Variants in ADAMTSL3 observed in about 807,000 individuals in gnomAD.
The protein encoded by ADAMTSL3 is ADAMTS-like protein 3.
ADAMTSL3 carries 128 observed loss-of-function variants against 201.7 expected under a neutral mutation model. The observed-to-expected ratio is 0.63, with a 90% CI of 0.55 to 0.73. The LOEUF (loss-of-function observed/expected upper bound fraction) is 0.73, where lower values mean the gene tolerates loss of function less well. Among genes scored for constraint, ADAMTSL3 ranks in the 30% least tolerant of loss-of-function variants. The pLI is 0.00. For missense variants in ADAMTSL3, 1,990 were observed against 2,119.6 expected (o/e 0.94, Z 1.20); for synonymous variants, 738 against 748.4 (o/e 0.99, Z 0.23).
chr15:84,001,354 A>G lies in ADAMTSL3; in HGVS notation c.3973+10140A>G, dbSNP rs190436845. 2.6e-5 allele frequency among the ~76,000 whole-genome samples: 4 copies of G among 152,374 alleles called. No homozygotes were observed. The East Asian group carries it at 7.7e-4, about 29-fold the overall frequency. Reference sequence around the variant, plus strand: ...TCAATAAATAACATGTTGGAAAACCATCAAAGCTCATCATCAAAAATAACA... The same window carrying G: ...TCAATAAATAACATGTTGGAAAACCGTCAAAGCTCATCATCAAAAATAACA... On this transcript the variant is annotated intron_variant, in intron 23 of 29. Coordinates refer to ENST00000286744, the MANE Select transcript of ADAMTSL3 (RefSeq NM_207517.3).
chr15:83,861,725 CA>C (rs1482659778), intron 8 of ADAMTSL3: 9 of 152,206 alleles, frequency 5.9e-5, no homozygotes, highest in African/African-American at 1.9e-4. Flanking sequence ...TCTCCTCCTC[CA>C]AAGGAACACA....
intron 11 of ADAMTSL3, chr15:83,890,811 A>C (rs373445118): frequency 1.9e-5 from 3 of 154,436 alleles, no homozygotes; most frequent in African/African-American, 7.2e-5. Context: ...AATCCTCCAG[A>C]TATCTGCCAG....
chr15:83,783,753 T>TG (rs1264532460), intron 4 of ADAMTSL3, among the ~76,000 whole-genome samples: 1 of 149,762 alleles, frequency 6.7e-6, no homozygotes, highest in Non-Finnish European at 1.5e-5. Context: ...AAAAATTGGT[T>TG]GAAAAAAAAA....
chr15:83,714,509 C>A (rs1013364285), intron 3 of ADAMTSL3, among the ~76,000 whole-genome samples: 10 of 152,162 alleles, frequency 6.6e-5, no homozygotes, highest in Non-Finnish European at 1.0e-4. Context: ...ACTGTTCCTC[C>A]CCCTGCCATC....
chr15:84,015,113 T>G (rs1010109166), intron 24 of ADAMTSL3, among the ~76,000 whole-genome samples: 5 of 152,112 alleles, frequency 3.3e-5, no homozygotes, highest in Admixed American at 3.3e-4. Flanking sequence ...GCCCAGCTAA[T>G]TTTTGTATTT....
At chr15:83,829,735 C>G (rs188593538) in intron 6 of ADAMTSL3, among the ~76,000 whole-genome samples, 4 of 152,128 alleles carry the variant, frequency 2.6e-5, no homozygotes, top group Non-Finnish European at 5.9e-5. Context: ...TGTCTTTGTT[C>G]TCATAGGTTT....
At position 83,874,431 on chromosome 15, in the gene ADAMTSL3, T is replaced by C. The variant is rs1371401784; in HGVS notation, c.960+3472T>C. 3.5e-5 allele frequency among the ~76,000 whole-genome samples: 5 copies of C among 144,326 alleles called. 1 individual carries two copies. Among genetic ancestry groups the C allele is most frequent in the African/African-American group, 1.3e-4 (5 of 37,558 alleles). The allele number at this position is 144,326 out of a possible 152,430, so 94.7% of individuals were successfully genotyped here. The stretch of plus-strand genomic sequence containing the variant: ...GTCTCCTTCAGTTCCTGAGTGGTAA[T>C]GGAAGACATCTAGAAAATTTAGTGT... On this transcript the variant is annotated intron_variant, in intron 9 of 29. Coordinates refer to ENST00000286744, the MANE Select transcript of ADAMTSL3 (RefSeq NM_207517.3).
chr15:83,913,311 G>A lies in ADAMTSL3; in HGVS notation c.1920G>A (p.Glu640=). ...ASRELDIPLP[E]DSETTYDWEY... ...GAGAGCTAGACATCCCTCTCCCTGA[G>A]GACAGTGAGACGACTTACGACTGGG... The change falls in exon 16 of 30, where the codon GAG becomes GAA. Residue 640 remains glutamate, a synonymous_variant. Transcript: ENST00000286744. 2.5e-6 allele frequency: 4 copies of A among 1,613,866 alleles called. No homozygotes were observed. Among genetic ancestry groups the A allele is most frequent in the Non-Finnish European group, 3.4e-6 (4 of 1,179,992 alleles).
intron 16 of ADAMTSL3, among the ~76,000 whole-genome samples, chr15:83,915,224 A>T (rs1443679303): frequency 6.6e-6 from 1 of 152,194 alleles, no homozygotes; most frequent in Non-Finnish European, 1.5e-5. Context: ...TGCTGTTGGT[A>T]GAATCCCTGT....
At chr15:83,844,273 C>G (rs1228589596) in intron 7 of ADAMTSL3, among the ~76,000 whole-genome samples, 1 of 152,192 alleles carries the variant, frequency 6.6e-6, no homozygotes, top group Non-Finnish European at 1.5e-5. Context: ...TAATGCATTC[C>G]TTGACACAAA....
intron 3 of ADAMTSL3, 134 bp from the exon 4 acceptor site, chr15:83,773,389 A>G: frequency 1.0e-6 from 1 of 987,126 alleles, no homozygotes; most frequent in South Asian, 1.7e-5. Context: ...GGGCAATAAG[A>G]TCGAAGCTCT....
intron 10 of ADAMTSL3, among the ~76,000 whole-genome samples, 158 bp downstream of exon 10, chr15:83,885,370 G>T (rs2065367018): frequency 6.6e-6 from 1 of 151,788 alleles, no homozygotes; most frequent in Admixed American, 6.6e-5. Flanking sequence ...TGTTAATGAA[G>T]AAGATGCATT....
At chr15:83,715,571 A>G (rs553673078) in intron 3 of ADAMTSL3, among the ~76,000 whole-genome samples, 50 of 152,278 alleles carry the variant, frequency 3.3e-4, no homozygotes, top group Middle Eastern at 3.4e-3. Context: ...TTGAGCCCCT[A>G]GGGGCAGGGA....
chr15:83,851,369 A>G (rs1325899711), intron 7 of ADAMTSL3, among the ~76,000 whole-genome samples: 1 of 152,134 alleles, frequency 6.6e-6, no homozygotes, highest in East Asian at 1.9e-4. Context: ...GCTAAAATCA[A>G]CTGCAAGGGA....
chr15:83,836,886 A>G (rs1002597323), intron 6 of ADAMTSL3, among the ~76,000 whole-genome samples: 46 of 152,200 alleles, frequency 3.0e-4, no homozygotes, highest in Admixed American at 2.7e-3. Context: ...AAGTCCCTGC[A>G]CTTAAACACC....
chr15:83,710,755 A>G (rs1001069207), intron 3 of ADAMTSL3, among the ~76,000 whole-genome samples: 10 of 152,204 alleles, frequency 6.6e-5, no homozygotes, highest in Non-Finnish European at 1.5e-4. Context: ...CAAAGGAGGC[A>G]GAGGGCTGGA....
intron 2 of ADAMTSL3, among the ~76,000 whole-genome samples, chr15:83,662,871 A>G (rs1224119003): frequency 6.6e-6 from 1 of 152,094 alleles, no homozygotes; most frequent in Non-Finnish European, 1.5e-5. Context: ...TCAACTGGAT[A>G]CCTCTCTCTG....
intron 9 of ADAMTSL3, among the ~76,000 whole-genome samples, chr15:83,881,187 A>G (rs1409534243): frequency 2.0e-5 from 3 of 152,240 alleles, no homozygotes; most frequent in African/African-American, 7.2e-5. Context: ...ATCTTTATCC[A>G]ACAAAGAATT....
chr15:83,819,675 AAAAAG>A (rs1357786430), intron 5 of ADAMTSL3, 131 bp from the exon 6 acceptor site: 3 of 643,690 alleles, frequency 4.7e-6, no homozygotes, highest in East Asian at 2.6e-5. Context: ...AAAAAAAAAA[AAAAAG>A]AGGGAATTAG....
Sources: allele counts gnomAD v4.1 joint callset (sites outside exome capture counted in the v4.1 genomes callset), GRCh38; gene constraint gnomAD v4.1.1; transcripts MANE v1.5; gene names NCBI Gene and HGNC (gene_info 2026-07-23, HGNC 2026-07-21).